DMXL2: variants seen among roughly 807,000 people sequenced by gnomAD.
The protein encoded by DMXL2 is Dmx like 2.
DMXL2 carries 103 observed loss-of-function variants against 331.1 expected under a neutral mutation model. The ratio of observed to expected loss-of-function variants is 0.31; its 90% CI spans 0.27 to 0.37. The LOEUF is 0.37. Ranked by LOEUF, DMXL2 falls within the 10% of genes least tolerant of loss-of-function variation. The pLI is 1.00. For synonymous variants in DMXL2, 1,281 were observed against 1,252.1 expected, an observed-to-expected ratio of 1.02 and a Z score of -0.49; for missense variants, 3,171 against 3,642.9, an observed-to-expected ratio of 0.87 and a Z score of 3.33.
rs780105561 is a variant in DMXL2, at chr15:51,481,529, T to C, written c.5577A>G (p.Glu1859=). ...TGAGACCTAAGGTTGCCAAAGTTCC[T>C]TCAGGGGAGGCAAGATTTCTTCGAA... ...LLIRRNLASP[E]GTLATLGLKT... The change falls in exon 24 of 44, where the codon GAA becomes GAG. Residue 1859 remains glutamate (E), a synonymous_variant. Transcript: ENST00000560891. The C allele has an allele frequency of 6.8e-6, 11 of 1,612,762 alleles. No individual in the cohort carries two copies. The highest frequency in any genetic ancestry group is 6.6e-5 in the South Asian group (6 of 90,926).
chr15:51,529,723 T>A (rs1259048740), intron 13 of DMXL2, among the ~76,000 whole-genome samples: 1 of 151,704 alleles, frequency 6.6e-6, no homozygotes, highest in African/African-American at 2.4e-5. Flanking sequence ...TTCTGAAAAA[T>A]AGAGAAGGAA....
At chr15:51,482,359 C>A (rs546315794) in intron 23 of DMXL2, among the ~76,000 whole-genome samples, 1 of 151,990 alleles carries the variant, frequency 6.6e-6, no homozygotes, top group South Asian at 2.1e-4. Flanking sequence ...ACATAGATAG[C>A]AAATAACTAT....
intron 15 of DMXL2, among the ~76,000 whole-genome samples, chr15:51,508,326 T>C (rs1416080759): frequency 6.6e-6 from 1 of 152,074 alleles, no homozygotes; most frequent in Non-Finnish European, 1.5e-5. Context: ...TAAAGTATAA[T>C]AATAATTTTT....
chr15:51,573,041 T>A (rs2050778154), intron 2 of DMXL2, among the ~76,000 whole-genome samples: 1 of 152,154 alleles, frequency 6.6e-6, no homozygotes, highest in South Asian at 2.1e-4. Flanking sequence ...AAAACCCCAT[T>A]GTCTCAGCCC....
At chr15:51,597,576 C>G (rs1409577678) in intron 1 of DMXL2, among the ~76,000 whole-genome samples, 1 of 152,158 alleles carries the variant, frequency 6.6e-6, no homozygotes, top group Non-Finnish European at 1.5e-5. Flanking sequence ...GACATTTTGC[C>G]TATTACATAC....
intron 1 of DMXL2, among the ~76,000 whole-genome samples, chr15:51,587,370 C>A (rs1486148312): frequency 6.6e-6 from 1 of 151,958 alleles, no homozygotes; most frequent in Non-Finnish European, 1.5e-5. Context: ...TTCCTGTGTC[C>A]ATGTGTTGTC....
Position 51,545,610 on chromosome 15 carries a change from G to C in DMXL2, c.903C>G (p.His301Gln). The C allele has an allele frequency of 6.2e-7, 1 of 1,613,322 alleles. No individual in the cohort carries two copies. The change falls in exon 8 of 44, where the codon CAC becomes CAG. Residue 301 changes from histidine (H) to glutamine (Q), a missense_variant. By Grantham distance (24) the His-to-Gln change is conservative (BLOSUM62 0). Transcript: ENST00000560891. The part of the protein sequence containing the change: ...IASSLSHAGR[H>Q]KDRIQHALET... Reference sequence around the variant, plus strand: ...CAAGAGCATGCTGTATTCTGTCTTTGTGTCTTCCAGCATGAGAAAGGCTGC... The same window carrying C: ...CAAGAGCATGCTGTATTCTGTCTTTCTGTCTTCCAGCATGAGAAAGGCTGC...
At chr15:51,577,920 C>G (rs183817162) in intron 1 of DMXL2, among the ~76,000 whole-genome samples, 10 of 152,270 alleles carry the variant, frequency 6.6e-5, no homozygotes, top group Non-Finnish European at 1.0e-4. Context: ...GGAAAATTTA[C>G]ACAGTCATTT....
At chr15:51,538,535 A>G (rs1453089168) in intron 9 of DMXL2, 83 bp from the exon 10 acceptor site, 2 of 1,115,494 alleles carry the variant, frequency 1.8e-6, no homozygotes, top group Admixed American at 5.6e-5. Context: ...TAATCTATAT[A>G]AAGAAAAGGT....
chr15:51,516,267 TG>T (rs1231143150), intron 14 of DMXL2, among the ~76,000 whole-genome samples: 1 of 152,180 alleles, frequency 6.6e-6, no homozygotes, highest in African/African-American at 2.4e-5. Context: ...AGGGCTAAAA[TG>T]GGTTTTACAT....
At chr15:51,510,583 G>GA (rs1466699446) in intron 15 of DMXL2, among the ~76,000 whole-genome samples, 1 of 152,116 alleles carries the variant, frequency 6.6e-6, no homozygotes, top group East Asian at 1.9e-4. Flanking sequence ...TCATGGACAG[G>GA]AAAAAATCAA....
chr15:51,523,430 A>G (rs555862979), intron 13 of DMXL2, among the ~76,000 whole-genome samples: 1 of 152,374 alleles, frequency 6.6e-6, no homozygotes, highest in East Asian at 1.9e-4. Context: ...AACTACAAAT[A>G]TAACTGATGA....
rs11291027 is a variant in DMXL2, at chr15:51,478,259, A to AT, written c.6833+11dup. 4.8e-4 allele frequency: 770 copies of AT among 1,595,188 alleles called. No individual in the cohort carries two copies. The highest frequency in any genetic ancestry group is 6.1e-4 in the Non-Finnish European group (710 of 1,165,580). On this transcript the variant is annotated intron_variant, in intron 26 of 43. Coordinates refer to ENST00000560891, the MANE Select transcript of DMXL2 (RefSeq NM_001378457.1). ...TGCTGTATTAATACTATTTTGGGTG[A>AT]TTTTTTTTTACCTGTAGCTATGACT...
intron 29 of DMXL2, among the ~76,000 whole-genome samples, chr15:51,470,676 G>C (rs1048154135): frequency 3.9e-5 from 6 of 152,184 alleles, no homozygotes; most frequent in Non-Finnish European, 8.8e-5. Flanking sequence ...AGAATCATGA[G>C]CTCAAAAGAG....
chr15:51,556,115 A>C lies in DMXL2; in HGVS notation c.567+7266T>G, dbSNP rs565292244. 1.0e-3 allele frequency among the ~76,000 whole-genome samples: 156 copies of C among 152,158 alleles called. 1 individual carries two copies. Among genetic ancestry groups the C allele is most frequent in the South Asian group, 1.0e-2 (48 of 4,824 alleles). On this transcript the variant is annotated intron_variant, in intron 6 of 43. Coordinates refer to ENST00000560891, the MANE Select transcript of DMXL2 (RefSeq NM_001378457.1). ...TCCCAGCACTTTGGGAGGCCAAGGC[A>C]GGTGGATCACGAGGTCAGGAGATCG...
chr15:51,510,770 T>C (rs1241870113), intron 15 of DMXL2, among the ~76,000 whole-genome samples: 1 of 152,170 alleles, frequency 6.6e-6, no homozygotes, highest in African/African-American at 2.4e-5. Flanking sequence ...GCTTGAGGCA[T>C]CACGCTACCT....
intron 41 of DMXL2, 135 bp from the exon 42 acceptor site, chr15:51,451,832 T>C (rs1169524642): frequency 5.9e-6 from 4 of 675,182 alleles, no homozygotes; most frequent in Non-Finnish European, 1.0e-5. Context: ...CTATAGAGAG[T>C]AGTGATTCCC....
At chr15:51,491,067 G>C (rs1457534712) in intron 20 of DMXL2, among the ~76,000 whole-genome samples, 3 of 152,066 alleles carry the variant, frequency 2.0e-5, no homozygotes, top group Non-Finnish European at 4.4e-5. Flanking sequence ...TATAAATTCA[G>C]CCTATATAGA....
Position 51,499,140 on chromosome 15 carries a change from G to C in DMXL2, c.4084C>G (p.Arg1362Gly). 9.3e-6 allele frequency: 15 copies of C among 1,613,916 alleles called. No individual in the cohort carries two copies. The highest frequency in any genetic ancestry group is 2.2e-5 in the East Asian group (1 of 44,868). The change falls in exon 18 of 44, where the codon CGA becomes GGA. Residue 1362 changes from arginine to glycine, a missense_variant. Around this residue, in one of 7 missense-constraint regions of DMXL2, gnomAD observed 1,674 missense variants for 1,780.2 expected, o/e 0.94. Coordinates refer to ENST00000560891, the MANE Select transcript of DMXL2 (RefSeq NM_001378457.1). ...TGAGAGAGAATGGCTTTAGCCCTTC[G>C]CACTTTCCCTAAATCCATCAATTCT... is the stretch of plus-strand genomic sequence containing the variant. The part of the protein sequence containing the change: ...LLELMDLGKV[R>G]RAKAILSHLV...
Sources: allele counts gnomAD v4.1 joint callset (sites outside exome capture counted in the v4.1 genomes callset), GRCh38; gene constraint gnomAD v4.1.1; regional missense constraint gnomAD v4.1.1; transcripts MANE v1.5; gene names NCBI Gene and HGNC (gene_info 2026-07-23, HGNC 2026-07-21).